The following USP30 variants were observed in gnomAD, a reference collection of about 807,000 sequenced individuals.
The protein encoded by USP30 is ubiquitin specific peptidase 30.
USP30 carries 41 observed loss-of-function variants against 68.2 expected under a neutral mutation model. That is an observed-to-expected ratio of 0.60 (90% confidence interval 0.47 to 0.78). The LOEUF is 0.78. USP30 is among the 30% of genes least tolerant of loss of function. The probability of loss-of-function intolerance (pLI) is 0.00; values close to 1 mark genes in which losing one functional copy is unlikely to be tolerated. For missense variants in USP30, 522 were observed against 649.4 expected (o/e 0.80, Z 2.13); for synonymous variants, 229 against 253.7 (o/e 0.90, Z 0.93).
chr12:109,085,396 A>G (rs1168504362), intron 12 of USP30, among the ~76,000 whole-genome samples: 10 of 152,224 alleles, frequency 6.6e-5, no homozygotes, highest in Non-Finnish European at 1.0e-4. Flanking sequence ...TGCACTCTAT[A>G]AAGTTGTACA....
intron 3 of USP30, among the ~76,000 whole-genome samples, chr12:109,042,831 T>C (rs368819796): frequency 6.6e-6 from 1 of 152,176 alleles, no homozygotes; most frequent in Non-Finnish European, 1.5e-5. Context: ...TCAGATGATA[T>C]GATTTCATAT....
At chr12:109,044,989 T>TC (rs1491565963) in intron 3 of USP30, among the ~76,000 whole-genome samples, 3 of 15,760 alleles carry the variant, frequency 1.9e-4, no homozygotes, top group African/African-American at 3.5e-4. Context: ...GTCAAACATC[T>TC]TTTTTTTTTT....
upstream of USP30, among the ~76,000 whole-genome samples, chr12:109,049,286 C>T (rs187236208): frequency 7.6e-4 from 116 of 152,280 alleles, no homozygotes; most frequent in Middle Eastern, 3.4e-3. Flanking sequence ...TCCTATCCCT[C>T]GAACATTTAG....
chr12:109,085,532 A>C, intron 12 of USP30, 135 bp from the exon 13 acceptor site: 1 of 1,042,122 alleles, frequency 9.6e-7, no homozygotes, highest in Non-Finnish European at 1.4e-6. Context: ...CTGTATTTTA[A>C]TAGTTGTGTA....
chr12:109,078,318 G>T (rs555155969), intron 7 of USP30, among the ~76,000 whole-genome samples: 1 of 152,180 alleles, frequency 6.6e-6, no homozygotes, highest in South Asian at 2.1e-4. Context: ...CAGCTACTCG[G>T]GAGGCTGAGG....
At chr12:109,068,111 T>C (rs1160007103) in intron 4 of USP30, among the ~76,000 whole-genome samples, 1 of 152,220 alleles carries the variant, frequency 6.6e-6, no homozygotes, top group Non-Finnish European at 1.5e-5. Flanking sequence ...ACCTCCCTTT[T>C]CCACAACTAC....
At position 109,035,336 on chromosome 12, in the gene USP30, C is replaced by CA. The variant is rs780421386; in HGVS notation, c.-136+7782dup. ...GCCCTGGAGATTACCATTACCATTTCAATTTGTTTATTTATTTTATTTTAT... is the reference window on the plus strand; with the variant it reads ...GCCCTGGAGATTACCATTACCATTTCAAATTTGTTTATTTATTTTATTTTAT... On this transcript the variant is annotated intron_variant, in intron 3 of 15. Transcript: ENST00000392784. Among the ~76,000 whole-genome samples, 169 of 151,046 alleles carry CA rather than the reference C, an allele frequency of 1.1e-3. 1 individual carries two copies. Among genetic ancestry groups the CA allele is most frequent in the Admixed American group, 1.9e-3 (28 of 15,116 alleles).
intron 8 of USP30, 117 bp downstream of exon 8, chr12:109,081,510 T>C (rs915273990): frequency 1.9e-6 from 2 of 1,045,744 alleles, no homozygotes; most frequent in African/African-American, 3.2e-5. Flanking sequence ...CATGGTTGGT[T>C]GAACCCTCTC....
rs188666750 is a variant in USP30, at chr12:109,024,062, C to A, written c.-497-741C>A. On this transcript the variant is annotated intron_variant, in intron 1 of 15. Coordinates refer to the USP30 transcript ENST00000392784. ...CCTGGGGACTCTCTTCCCAGCTCCA[C>A]CTCTTCCTGGGTGGGTAACCTCGAG... Among the ~76,000 whole-genome samples the A allele has an allele frequency of 1.4e-3, 206 of 152,228 alleles. 3 individuals carry two copies. The highest frequency in any genetic ancestry group is 0.01 in the Admixed American group (157 of 15,280).
chr12:109,085,833 C>T lies in USP30; in HGVS notation c.1456C>T (p.Leu486=), dbSNP rs2041932157. The T allele has an allele frequency of 6.2e-7, 1 of 1,614,118 alleles. No individual in the cohort carries two copies. Among genetic ancestry groups the T allele is most frequent in the African/African-American group, 1.3e-5 (1 of 74,934 alleles). ...VSDDTVRKAS[L]QEVLSSSAYL... is the part of the protein sequence containing the mutation. The stretch of plus-strand genomic sequence containing the variant: ...CGATGACACTGTCCGCAAGGCCAGC[C>T]TGCAGGAGGTCCTGTCCTCCAGCGC... The change falls in exon 13 of 13, where the codon CTG becomes TTG. Residue 486 remains leucine (L), a synonymous_variant. Transcript: ENST00000257548.
chr12:109,072,138 G>A (rs1416560302), intron 5 of USP30, among the ~76,000 whole-genome samples, 167 bp from the exon 6 acceptor site: 2 of 152,142 alleles, frequency 1.3e-5, no homozygotes, highest in African/African-American at 2.4e-5. Context: ...ATAGTATCCA[G>A]CCAGATAGGC....
At chr12:109,039,213 G>GTTTTACAGT (rs1433863581) in intron 3 of USP30, among the ~76,000 whole-genome samples, 1 of 152,100 alleles carries the variant, frequency 6.6e-6, no homozygotes, top group East Asian at 1.9e-4. Context: ...TCCTCAGAAA[G>GTTTTACAGT]TTTTACAGTT....
intron 3 of USP30, among the ~76,000 whole-genome samples, chr12:109,038,878 T>A (rs1034330215): frequency 1.3e-5 from 2 of 152,202 alleles, no homozygotes; most frequent in African/African-American, 4.8e-5. Context: ...TTGACCATCT[T>A]TTCATGTGCC....
intron 4 of USP30, 66 bp downstream of exon 4, chr12:109,067,693 C>T (rs2041304121): frequency 2.2e-6 from 3 of 1,392,640 alleles, no homozygotes; most frequent in Admixed American, 3.6e-5. Context: ...GGGGCCTGAC[C>T]TTAAAATTGC....
Position 109,066,326 on chromosome 12 carries a change from G to T in USP30, c.377-1198G>T, listed in dbSNP as rs575937617. The stretch of plus-strand genomic sequence containing the variant: ...AGAAAAAGTGCCAATCCTTGGTCTA[G>T]AAGTAATTATAATATAAATAAGCCC... On this transcript the variant is annotated intron_variant, in intron 3 of 12. Transcript: ENST00000257548. Among the ~76,000 whole-genome samples, 15 of 150,866 alleles carry T rather than the reference G, an allele frequency of 9.9e-5. No homozygotes were observed. In the East Asian group the frequency reaches 2.7e-3, roughly 28 times the overall value.
chr12:109,042,185 A>G (rs1204446754), intron 3 of USP30, among the ~76,000 whole-genome samples: 1 of 150,954 alleles, frequency 6.6e-6, no homozygotes, highest in East Asian at 1.9e-4. Flanking sequence ...TTCACTTTGT[A>G]TAAACTTCTG....
At chr12:109,076,104 G>A (rs1210241769) in intron 7 of USP30, among the ~76,000 whole-genome samples, 1 of 152,034 alleles carries the variant, frequency 6.6e-6, no homozygotes, top group Non-Finnish European at 1.5e-5. Flanking sequence ...AGATATGTAA[G>A]ATATGTTAAG....
chr12:109,048,493 G>A (rs1004711457), upstream of USP30, among the ~76,000 whole-genome samples: 3 of 152,144 alleles, frequency 2.0e-5, no homozygotes, highest in African/African-American at 7.2e-5. Flanking sequence ...GTCACTTGTG[G>A]GCAGTGGTGA....
intron 11 of USP30, among the ~76,000 whole-genome samples, chr12:109,084,438 G>C (rs2041890370): frequency 6.6e-6 from 1 of 152,208 alleles, no homozygotes; most frequent in African/African-American, 2.4e-5. Context: ...ACTTGGAGGA[G>C]TTTTGCCTCC....
Sources: gnomAD v4.1 joint callset for allele counts (sites outside exome capture counted in the v4.1 genomes callset) on GRCh38, gnomAD v4.1.1 for gene constraint, MANE v1.5 for transcripts, NCBI Gene and HGNC (gene_info 2026-07-23, HGNC 2026-07-21) for gene names.